The following RANBP2 variants were observed in gnomAD, a reference collection of about 807,000 sequenced individuals.
The protein encoded by RANBP2 is RAN binding protein 2, also known as E3 SUMO-protein ligase RanBP2.
Under a neutral mutation model 303.6 loss-of-function variants are expected in RANBP2, and 57 were observed. The ratio of observed to expected loss-of-function variants is 0.19; its 90% confidence interval spans 0.15 to 0.23. The LOEUF (loss-of-function observed/expected upper bound fraction) is 0.23, where lower values mean the gene tolerates loss of function less well. RANBP2 is among the 10% of genes least tolerant of loss of function. The pLI is 1.00. For synonymous variants in RANBP2, 1,167 were observed against 1,301.5 expected, an observed-to-expected ratio of 0.90 and a Z score of 2.23; for missense variants, 3,138 against 3,780.8, an observed-to-expected ratio of 0.83 and a Z score of 4.46.
chr2:109,624,200 G>A, the RANBP2 span, among the ~76,000 whole-genome samples: 1 of 152,244 alleles, frequency 6.6e-6, no homozygotes, highest in South Asian at 2.1e-4. Flanking sequence ...CCAGGGAGGG[G>A]TGGCAGGAGG....
At chr2:109,422,225 G>A in the RANBP2 span, among the ~76,000 whole-genome samples, 9 of 152,296 alleles carry the variant, frequency 5.9e-5, no homozygotes, top group Admixed American at 2.6e-4. Flanking sequence ...TGCCCATTGC[G>A]GGTCTGCAGA....
chr2:109,084,269 A>T, the RANBP2 span, among the ~76,000 whole-genome samples: 1 of 152,236 alleles, frequency 6.6e-6, no homozygotes, highest in South Asian at 2.1e-4. Flanking sequence ...AACCAAACTC[A>T]TCTGGAATGT....
the RANBP2 span, among the ~76,000 whole-genome samples, chr2:109,671,548 C>G: frequency 6.6e-6 from 1 of 152,182 alleles, no homozygotes; most frequent in Non-Finnish European, 1.5e-5. Context: ...CCTCCCCCTT[C>G]TCCTGGAGAA....
chr2:109,712,090 C>T, the RANBP2 span, among the ~76,000 whole-genome samples: 1 of 152,206 alleles, frequency 6.6e-6, no homozygotes, highest in Non-Finnish European at 1.5e-5. Flanking sequence ...GAACAAATTG[C>T]TATTGACTGC....
At chr2:109,658,805 A>G in the RANBP2 span, among the ~76,000 whole-genome samples, 1 of 151,562 alleles carries the variant, frequency 6.6e-6, no homozygotes, top group Non-Finnish European at 1.5e-5. Flanking sequence ...GGTGGCTCAC[A>G]CCTGTAATCC....
chr2:109,028,113 T>A, the RANBP2 span, among the ~76,000 whole-genome samples: 51 of 151,744 alleles, frequency 3.4e-4, no homozygotes, highest in Non-Finnish European at 2.7e-4. Context: ...CTACAAAAAA[T>A]GCAAAAAATT....
At chr2:108,885,476 A>G in the RANBP2 span, 1 of 152,240 alleles carries the variant, frequency 6.6e-6, no homozygotes, top group Non-Finnish European at 1.5e-5. Flanking sequence ...ATTGAAAAGT[A>G]AGTACTGTAT....
intron 14 of RANBP2, 67 bp downstream of exon 14, chr2:108,753,630 G>A (rs530886700): frequency 1.3e-6 from 2 of 1,593,044 alleles, no homozygotes; most frequent in South Asian, 1.2e-5. Flanking sequence ...AAAAGACGGG[G>A]TTTCTCTGTT....
chr2:109,614,911 C>T, the RANBP2 span: 6 of 1,457,920 alleles, frequency 4.1e-6, no homozygotes, highest in Non-Finnish European at 4.5e-6. Context: ...GAGCCCCCCG[C>T]CCCCGCGCAC....
At chr2:109,398,762 A>G in the RANBP2 span, 7 of 1,613,710 alleles carry the variant, frequency 4.3e-6, no homozygotes, top group Non-Finnish European at 5.1e-6. Context: ...GTGGATGGCA[A>G]GAAGAACACC....
Position 108,764,578 on chromosome 2 carries a change from C to G in RANBP2, c.4039C>G (p.Gln1347Glu). ...SDAGNLNFEF[Q>E]VAKKEGSWWH... ...TGCTGGAAACCTGAATTTTGAATTT[C>G]AGGTTGCAAAGAAAGAAGGGTCTTG... is the stretch of plus-strand genomic sequence containing the variant. Residue 1347 changes from glutamine to glutamate, a missense_variant, in exon 20 of 29, where the codon CAG (glutamine) becomes GAG (glutamate). Gln to Glu is a conservative substitution (Grantham distance 29). Coordinates refer to ENST00000283195, the MANE Select transcript of RANBP2 (RefSeq NM_006267.5). 3 of 1,613,916 alleles carry G rather than the reference C, an allele frequency of 1.9e-6. No homozygotes were observed. Among genetic ancestry groups the G allele is most frequent in the Non-Finnish European group, 2.5e-6 (3 of 1,179,966 alleles).
chr2:108,877,960 T>G, the RANBP2 span, among the ~76,000 whole-genome samples: 1 of 152,202 alleles, frequency 6.6e-6, no homozygotes, highest in Non-Finnish European at 1.5e-5. Context: ...GAGAAGATTT[T>G]TAATCCAAGA....
chr2:109,229,167 C>T, the RANBP2 span, among the ~76,000 whole-genome samples: 1 of 152,178 alleles, frequency 6.6e-6, no homozygotes, highest in African/African-American at 2.4e-5. Flanking sequence ...GAGCTCTGTG[C>T]CAGGAACCAG....
the RANBP2 span, among the ~76,000 whole-genome samples, chr2:109,201,700 G>A: frequency 1.3e-5 from 2 of 152,216 alleles, no homozygotes; most frequent in South Asian, 2.1e-4. Context: ...CATGGGAAAC[G>A]CTGCGCCTTG....
the RANBP2 span, among the ~76,000 whole-genome samples, chr2:109,170,315 TCC>T: frequency 2.9e-5 from 4 of 140,182 alleles, no homozygotes; most frequent in African/African-American, 1.1e-4. Flanking sequence ...TTCTCTTCTC[TCC>T]TCTCTCTCTC....
At chr2:108,839,415 C>T in the RANBP2 span, 3 of 848,398 alleles carry the variant, frequency 3.5e-6, no homozygotes, top group Non-Finnish European at 5.2e-6. Flanking sequence ...AATAATCTTC[C>T]CTATCTATGT....
At chr2:109,136,710 G>T in the RANBP2 span, among the ~76,000 whole-genome samples, 1 of 152,114 alleles carries the variant, frequency 6.6e-6, no homozygotes, top group Middle Eastern at 3.2e-3. Context: ...AGATATGATG[G>T]TATTTGCATT....
chr2:109,010,199 G>A, the RANBP2 span, among the ~76,000 whole-genome samples: 1 of 152,174 alleles, frequency 6.6e-6, no homozygotes, highest in Admixed American at 6.5e-5. Flanking sequence ...CTTTTTAGCC[G>A]ATGATTATGA....
chr2:109,196,017 C>T, the RANBP2 span, among the ~76,000 whole-genome samples: 7 of 152,354 alleles, frequency 4.6e-5, no homozygotes, highest in Middle Eastern at 3.4e-3. Flanking sequence ...CAAATCTGTA[C>T]GCACACCTGT....
Sources: gnomAD v4.1 joint callset for allele counts (sites outside exome capture counted in the v4.1 genomes callset) on GRCh38, gnomAD v4.1.1 for gene constraint, MANE v1.5 for transcripts, NCBI Gene and HGNC (gene_info 2026-07-23, HGNC 2026-07-21) for gene names.